FRMPD3: variants seen among roughly 807,000 people sequenced by gnomAD.
FRMPD3 encodes the protein FERM and PDZ domain-containing protein 3.
Under a neutral mutation model 97.9 loss-of-function variants are expected in FRMPD3, and 42 were observed. That is an observed-to-expected ratio of 0.43 (90% CI 0.34 to 0.55). The LOEUF (loss-of-function observed/expected upper bound fraction) is 0.55, where lower values mean the gene tolerates loss of function less well. FRMPD3 is among the 20% of genes least tolerant of loss of function. The pLI, the probability that FRMPD3 is intolerant of heterozygous loss-of-function variation, is 0.03. For missense variants in FRMPD3, 1,303 were observed against 1,457.7 expected (o/e 0.89, Z 1.73); for synonymous variants, 577 against 581.1 (o/e 0.99, Z 0.10).
chrX:107,576,202 C>A, intron 12 of FRMPD3, 113 bp from the exon 13 acceptor site: 2 of 852,964 alleles, frequency 2.3e-6, no homozygotes, highest in Non-Finnish European at 3.3e-6. Context: ...TTGGTTCAGA[C>A]AGTATGGTTC....
At chrX:107,461,051 T>C (rs965635501) in intron 1 of FRMPD3, among the ~76,000 whole-genome samples, 1 of 111,802 alleles carries the variant, frequency 8.9e-6, no homozygotes, top group South Asian at 3.8e-4. Context: ...CAAACCAGCA[T>C]TGGCTGTTGG....
At chrX:107,549,197 GTAATCC>G (rs2147578765) in intron 5 of FRMPD3, among the ~76,000 whole-genome samples, 1 of 110,231 alleles carries the variant, frequency 9.1e-6, no homozygotes, top group East Asian at 2.9e-4. Flanking sequence ...ACTCTCGCCT[GTAATCC>G]CAGCTACTAC....
At chrX:107,581,121 T>G (rs763120008) in intron 13 of FRMPD3, among the ~76,000 whole-genome samples, 7 of 111,552 alleles carry the variant, frequency 6.3e-5, no homozygotes, top group Non-Finnish European at 1.3e-4. Context: ...GTTTGTTTGT[T>G]TGTTGAGACA....
chrX:107,503,083 C>T (rs1921953690), intron 1 of FRMPD3, among the ~76,000 whole-genome samples: 1 of 111,738 alleles, frequency 8.9e-6, no homozygotes, highest in Admixed American at 9.4e-5. Context: ...AGGCACATAG[C>T]TACCACTGGG....
At chrX:107,568,557 C>T (rs1189478042) in intron 12 of FRMPD3, among the ~76,000 whole-genome samples, 1 of 92,616 alleles carries the variant, frequency 1.1e-5, no homozygotes, top group African/African-American at 4.2e-5. Flanking sequence ...TAAATCTCCA[C>T]TAAAAATGCA....
intron 1 of FRMPD3, among the ~76,000 whole-genome samples, chrX:107,457,413 G>T (rs1287470838): frequency 9.0e-6 from 1 of 111,728 alleles, no homozygotes; most frequent in African/African-American, 3.3e-5. Flanking sequence ...TAGAGAGAAG[G>T]TAATGCTGAT....
chrX:107,451,827 G>A (rs1273147999), intron 1 of FRMPD3, among the ~76,000 whole-genome samples: 1 of 111,749 alleles, frequency 8.9e-6, no homozygotes, highest in African/African-American at 3.3e-5. Flanking sequence ...GGACTAGTGG[G>A]TTTTACTGTT....
chrX:107,454,276 A>G (rs891622521), intron 1 of FRMPD3, among the ~76,000 whole-genome samples: 17 of 111,206 alleles, frequency 1.5e-4, no homozygotes, highest in African/African-American at 5.2e-4. Flanking sequence ...ATTGACAAGG[A>G]CACACAGGCA....
At chrX:107,471,493 C>G (rs974037569) in intron 1 of FRMPD3, among the ~76,000 whole-genome samples, 2 of 111,252 alleles carry the variant, frequency 1.8e-5, no homozygotes, top group African/African-American at 6.6e-5. Context: ...TTGTTCCCCT[C>G]TCTGTGTCCA....
At chrX:107,515,306 G>T (rs1922281666) in intron 1 of FRMPD3, among the ~76,000 whole-genome samples, 1 of 111,657 alleles carries the variant, frequency 9.0e-6, no homozygotes, top group South Asian at 3.8e-4. Flanking sequence ...AGAAAAAGTG[G>T]CCAGAGAGGT....
chrX:107,560,916 G>A (rs1471236143), intron 10 of FRMPD3, 63 bp downstream of exon 10: 2 of 1,103,381 alleles, frequency 1.8e-6, no homozygotes, highest in African/African-American at 3.7e-5. Flanking sequence ...GAGATCCTGG[G>A]TGGTTTCCCA....
rs375874562 is a variant in FRMPD3, at chrX:107,469,587, C to T, written c.-8+19582C>T. The stretch of plus-strand genomic sequence containing the variant: ...TACCTCTTGGTAACCAGAATCCTTC[C>T]TTTTGCCCAACACATGTGGACTTCC... On this transcript the variant is annotated intron_variant, in intron 1 of 14. Coordinates refer to ENST00000683843, the MANE Select transcript of FRMPD3 (RefSeq NM_001388459.1). Among the ~76,000 whole-genome samples, 79 of 112,370 alleles carry T rather than the reference C, an allele frequency of 7.0e-4. 1 individual carries two copies. In the South Asian group the frequency reaches 0.03, roughly 42 times the overall value.
chrX:107,516,657 G>A (rs1184359179), intron 1 of FRMPD3, among the ~76,000 whole-genome samples: 1 of 111,206 alleles, frequency 9.0e-6, no homozygotes, highest in Non-Finnish European at 1.9e-5. Flanking sequence ...TGTGTTTTTT[G>A]GCTGCATAAA....
At chrX:107,572,821 G>C (rs1345612794) in intron 12 of FRMPD3, among the ~76,000 whole-genome samples, 1 of 109,137 alleles carries the variant, frequency 9.2e-6, no homozygotes, top group Non-Finnish European at 1.9e-5. Flanking sequence ...GAGGTGGGAG[G>C]ATCACTTGAG....
At chrX:107,491,942 T>C (rs1393508585) in intron 1 of FRMPD3, among the ~76,000 whole-genome samples, 1 of 109,377 alleles carries the variant, frequency 9.1e-6, no homozygotes, top group Non-Finnish European at 1.9e-5. Flanking sequence ...GTAATTGTTC[T>C]CTCCTCATTA....
intron 11 of FRMPD3, 36 bp downstream of exon 11, chrX:107,563,236 G>A (rs758090217): frequency 1.3e-5 from 15 of 1,112,263 alleles, no homozygotes; most frequent in Non-Finnish European, 1.6e-5. Context: ...TGGGGAGGGA[G>A]CCCCTTGTTG....
chrX:107,512,884 C>G (rs1367771660), intron 1 of FRMPD3: 1 of 112,975 alleles, frequency 8.9e-6, no homozygotes, highest in Admixed American at 9.3e-5. Context: ...TTGTGACACA[C>G]AGTGCCATAT....
At chrX:107,479,500 G>C (rs1921284090) in intron 1 of FRMPD3, among the ~76,000 whole-genome samples, 1 of 112,153 alleles carries the variant, frequency 8.9e-6, no homozygotes, top group Non-Finnish European at 1.9e-5. Context: ...CTGACAACTG[G>C]ATAGTAGATT....
At chrX:107,522,480 G>A in intron 1 of FRMPD3, 1 of 550,606 alleles carries the variant, frequency 1.8e-6, no homozygotes, top group East Asian at 3.3e-5. Flanking sequence ...GAGGGTCCAG[G>A]ACCGTGAGTG....
Sources: allele counts gnomAD v4.1 joint callset (sites outside exome capture counted in the v4.1 genomes callset), GRCh38; gene constraint gnomAD v4.1.1; transcripts MANE v1.5; gene names NCBI Gene and HGNC (gene_info 2026-07-23, HGNC 2026-07-21).